The following PTPRZ1 variants were observed in gnomAD, a reference collection of about 807,000 sequenced individuals.
The protein encoded by PTPRZ1 is receptor-type tyrosine-protein phosphatase zeta.
Under a neutral mutation model 214.1 loss-of-function variants are expected in PTPRZ1, and 82 were observed. That is an observed-to-expected ratio of 0.38 (90% CI 0.32 to 0.46). The LOEUF is 0.46. Among genes scored for constraint, PTPRZ1 ranks in the 20% least tolerant of loss-of-function variants. The pLI is 1.00. For missense variants in PTPRZ1, 2,603 were observed against 2,748.7 expected, an observed-to-expected ratio of 0.95 and a Z score of 1.19; for synonymous variants, 945 against 987.9, an observed-to-expected ratio of 0.96 and a Z score of 0.81.
At chr7:121,908,727 A>T in intron 1 of PTPRZ1, 1 of 483,812 alleles carries the variant, frequency 2.1e-6, no homozygotes, top group Non-Finnish European at 4.0e-6. Context: ...AATGTTTTCA[A>T]TAAGTACATT....
chr7:122,005,192 G>A (rs1192960582), intron 11 of PTPRZ1, among the ~76,000 whole-genome samples: 4 of 151,794 alleles, frequency 2.6e-5, no homozygotes, highest in African/African-American at 4.8e-5. Context: ...CTTATACTAC[G>A]AGTAGTCTAT....
At chr7:122,010,229 G>T (rs1798604809) in intron 11 of PTPRZ1, 105 bp from the exon 12 acceptor site, 1 of 1,123,886 alleles carries the variant, frequency 8.9e-7, no homozygotes, top group African/African-American at 1.6e-5. Context: ...ATGAGGATGA[G>T]AAGTTCCCAA....
intron 6 of PTPRZ1, among the ~76,000 whole-genome samples, chr7:121,978,737 A>T (rs1797516439): frequency 6.6e-6 from 1 of 152,176 alleles, no homozygotes; most frequent in Non-Finnish European, 1.5e-5. Flanking sequence ...CTCATTTACC[A>T]AAAACCAAAA....
At chr7:121,990,449 C>T (rs13229261) in intron 8 of PTPRZ1, among the ~76,000 whole-genome samples, 55,143 of 150,330 alleles carry the variant, frequency 0.37, 11,479 homozygotes, top group Middle Eastern at 0.49. Context: ...TGGACACTGG[C>T]TCTTCTAAGG....
At chr7:121,897,379 A>C (rs1486971819) in intron 1 of PTPRZ1, among the ~76,000 whole-genome samples, 1 of 152,188 alleles carries the variant, frequency 6.6e-6, no homozygotes. Context: ...ATGGAAAAAA[A>C]AATGTAACAT....
chr7:121,921,877 A>G (rs1795607799), intron 1 of PTPRZ1, among the ~76,000 whole-genome samples: 1 of 152,310 alleles, frequency 6.6e-6, no homozygotes, highest in East Asian at 1.9e-4. Context: ...TATAGCCTAA[A>G]CAAACCATAC....
At chr7:121,887,152 C>T (rs1018953787) in intron 1 of PTPRZ1, among the ~76,000 whole-genome samples, 1 of 152,090 alleles carries the variant, frequency 6.6e-6, no homozygotes, top group African/African-American at 2.4e-5. Flanking sequence ...CTGTTGTTTC[C>T]ATGACTGTAT....
At chr7:121,888,781 T>C (rs1916889) in intron 1 of PTPRZ1, among the ~76,000 whole-genome samples, 82,282 of 151,956 alleles carry the variant, frequency 0.54, 22,902 homozygotes, top group African/African-American at 0.66. Context: ...AGTGCTCAGA[T>C]GTTAATTAAG....
intron 8 of PTPRZ1, among the ~76,000 whole-genome samples, chr7:121,991,160 C>T (rs763143362): frequency 6.6e-6 from 1 of 152,132 alleles, no homozygotes. Context: ...AAAATGGTCA[C>T]CCTATAGGGT....
At position 122,041,058 on chromosome 7, in the gene PTPRZ1, G is replaced by A. The variant is rs569105069; in HGVS notation, c.5801+79G>A. 6 of 1,250,402 alleles carry A rather than the reference G, an allele frequency of 4.8e-6. No individual in the cohort carries two copies. The South Asian group carries it at 1.0e-4, about 22-fold the overall frequency. 77.5% of individuals were successfully genotyped at this position (1,250,402 alleles called of 1,614,324 possible). A position where few individuals can be genotyped will look rare whatever the true frequency, so the allele number is the denominator to read the frequency against. On this transcript the variant is annotated intron_variant, in intron 21 of 29. Transcript: ENST00000393386. ...AGGAAATCAATGGAACAAAGCTTTT[G>A]CCCAAATGGGAATGATTTCTTGAAA...
At chr7:122,048,443 A>G (rs559022594) in intron 23 of PTPRZ1, among the ~76,000 whole-genome samples, 3 of 152,268 alleles carry the variant, frequency 2.0e-5, no homozygotes, top group Admixed American at 6.5e-5. Context: ...TTGAAAACCT[A>G]TATGAAATGA....
intron 13 of PTPRZ1, among the ~76,000 whole-genome samples, chr7:122,021,085 C>T (rs1799001931): frequency 2.0e-5 from 3 of 151,992 alleles, no homozygotes; most frequent in Admixed American, 2.0e-4. Flanking sequence ...AGAATATGAC[C>T]AATTCTGCTT....
In PTPRZ1 at chr7:122,013,781, G is replaced by T. The variant is rs780527840; in HGVS notation, c.4735G>T (p.Asp1579Tyr). The T allele has an allele frequency of 1.2e-6, 2 of 1,613,998 alleles. No individual in the cohort carries two copies. The highest frequency in any genetic ancestry group is 1.7e-6 in the Non-Finnish European group (2 of 1,179,974). ...TGCAGACACTAATGAAAAAGATGCT[G>T]ATGGGATCCTGGCAGCAGGTGACTC... is the stretch of plus-strand genomic sequence containing the variant. The part of the protein sequence containing the change: ...SFADTNEKDA[D>Y]GILAAGDSEI... The change falls in exon 12 of 30, where the codon GAT (aspartate) becomes TAT (tyrosine). Residue 1579 changes from aspartate (D) to tyrosine (Y), a missense_variant. By Grantham distance (160) the Asp-to-Tyr change is radical (BLOSUM62 -3). This residue lies in a region of PTPRZ1 where 1,913 missense variants were observed against 1,914.3 expected (regional missense o/e 1.00). Transcript: ENST00000393386.
At chr7:121,945,617 A>G (rs1382136344) in intron 2 of PTPRZ1, among the ~76,000 whole-genome samples, 2 of 152,164 alleles carry the variant, frequency 1.3e-5, no homozygotes, top group Non-Finnish European at 2.9e-5. Flanking sequence ...GAGCTAGTTC[A>G]TGTGGGGAAC....
intron 16 of PTPRZ1, 27 bp downstream of exon 16, chr7:122,034,142 T>C: frequency 2.5e-6 from 4 of 1,587,706 alleles, no homozygotes; most frequent in South Asian, 1.1e-5. Context: ...CTGCATTTTC[T>C]TTTAGCCAAG....
intron 2 of PTPRZ1, among the ~76,000 whole-genome samples, chr7:121,944,904 T>TAA (rs1206250604): frequency 2.0e-5 from 3 of 152,158 alleles, no homozygotes; most frequent in Non-Finnish European, 4.4e-5. Context: ...CGGCCTCCTT[T>TAA]AGCGCTGGAA....
intron 6 of PTPRZ1, among the ~76,000 whole-genome samples, chr7:121,977,996 G>A (rs912567494): frequency 4.6e-5 from 7 of 152,262 alleles, no homozygotes; most frequent in Middle Eastern, 3.4e-3. Flanking sequence ...GTGCAACTAT[G>A]GGACCTTTGA....
chr7:121,874,603 C>A (rs1793995868), intron 1 of PTPRZ1, among the ~76,000 whole-genome samples: 1 of 152,172 alleles, frequency 6.6e-6, no homozygotes, highest in Non-Finnish European at 1.5e-5. Context: ...ATAGATGGTG[C>A]TGCTCTTGGC....
chr7:121,894,995 T>C (rs1794745615), intron 1 of PTPRZ1, among the ~76,000 whole-genome samples: 1 of 152,246 alleles, frequency 6.6e-6, no homozygotes, highest in Non-Finnish European at 1.5e-5. Context: ...ATTTTAAAAA[T>C]GATAATCCCT....
Sources: allele counts gnomAD v4.1 joint callset (sites outside exome capture counted in the v4.1 genomes callset), GRCh38; gene constraint gnomAD v4.1.1; regional missense constraint gnomAD v4.1.1; transcripts MANE v1.5; gene names NCBI Gene and HGNC (gene_info 2026-07-23, HGNC 2026-07-21).